The following NUMB variants were observed in gnomAD, a reference collection of about 807,000 sequenced individuals.
NUMB encodes the protein NUMB endocytic adaptor protein, also known as protein numb homolog.
In NUMB, 29 loss-of-function variants were observed where a neutral mutation model predicts 59.7. The ratio of observed to expected loss-of-function variants is 0.49; its 90% CI spans 0.36 to 0.66. The LOEUF (loss-of-function observed/expected upper bound fraction) is 0.66. Ranked by LOEUF, NUMB falls within the 30% of genes least tolerant of loss-of-function variation. NUMB has a pLI of 0.00. For synonymous variants in NUMB, 288 were observed against 288.2 expected (o/e 1.00, Z 0.01); for missense variants, 723 against 822.0 (o/e 0.88, Z 1.47).
At chr14:73,289,298 G>A (rs576305468) in intron 8 of NUMB, among the ~76,000 whole-genome samples, 5 of 152,296 alleles carry the variant, frequency 3.3e-5, no homozygotes, top group African/African-American at 4.8e-5. Context: ...AGTGGAGGAC[G>A]TATATAAACA....
intron 4 of NUMB, among the ~76,000 whole-genome samples, chr14:73,325,960 T>C (rs1891641430): frequency 6.6e-6 from 1 of 152,142 alleles, no homozygotes; most frequent in African/African-American, 2.4e-5. Flanking sequence ...GCTTTTTTCC[T>C]TTCTCTCTGA....
intron 9 of NUMB, chr14:73,286,190 A>AATTTT (rs1888981500): frequency 1.1e-4 from 8 of 72,130 alleles, no homozygotes; most frequent in Non-Finnish European, 2.5e-5. Flanking sequence ...AAATATGGCA[A>AATTTT]TTTTTTTTTT....
intron 3 of NUMB, among the ~76,000 whole-genome samples, chr14:73,357,862 A>T (rs1223422947): frequency 6.6e-6 from 1 of 150,488 alleles, no homozygotes. Context: ...TCAAGTTGGC[A>T]TGCTCCAAAT....
chr14:73,402,149 A>G (rs1425055206), intron 2 of NUMB, among the ~76,000 whole-genome samples: 1 of 152,196 alleles, frequency 6.6e-6, no homozygotes, highest in East Asian at 1.9e-4. Flanking sequence ...TACAGGAGTG[A>G]GCCACTGCAC....
chr14:73,402,788 G>A (rs934293602), intron 2 of NUMB, among the ~76,000 whole-genome samples: 15 of 152,138 alleles, frequency 9.9e-5, no homozygotes, highest in African/African-American at 3.6e-4. Flanking sequence ...TTCACTTTGC[G>A]TTATCAAAAG....
chr14:73,405,949 G>A lies in NUMB; in HGVS notation c.-101+3988C>T, dbSNP rs994134225. ...TGAGTAGACCTACACCCAGATCCCA[G>A]ACTGACCAATGGGTGGAACACTTGT... On this transcript the variant is annotated intron_variant, in intron 2 of 12. Coordinates refer to ENST00000555238, the MANE Select transcript of NUMB (RefSeq NM_001005743.2). Among the ~76,000 whole-genome samples, 36 of 152,094 alleles carry A rather than the reference G, an allele frequency of 2.4e-4. 1 individual carries two copies. Among genetic ancestry groups the A allele is most frequent in the African/African-American group, 8.5e-4 (35 of 41,410 alleles).
At chr14:73,287,343 A>C in intron 8 of NUMB, 29 bp from the exon 9 acceptor site, 1 of 1,531,954 alleles carries the variant, frequency 6.5e-7, no homozygotes, top group Middle Eastern at 1.7e-4. Context: ...AAAGCTTTTC[A>C]GAATTACACT....
chr14:73,368,152 A>G (rs1894466203), intron 2 of NUMB, among the ~76,000 whole-genome samples: 1 of 152,218 alleles, frequency 6.6e-6, no homozygotes, highest in African/African-American at 2.4e-5. Context: ...ACAGTTACAG[A>G]ACTGGGATTT....
chr14:73,444,986 T>C (rs1456518176), intron 1 of NUMB, among the ~76,000 whole-genome samples: 1 of 151,942 alleles, frequency 6.6e-6, no homozygotes, highest in Admixed American at 6.6e-5. Context: ...CTGATAAAGA[T>C]ACCCAATGCC....
At chr14:73,315,903 T>C (rs1209260934) in intron 6 of NUMB, among the ~76,000 whole-genome samples, 1 of 152,188 alleles carries the variant, frequency 6.6e-6, no homozygotes, top group African/African-American at 2.4e-5. Context: ...CTTTATTTTT[T>C]TGAGACAGAG....
intron 2 of NUMB, among the ~76,000 whole-genome samples, chr14:73,386,229 A>T (rs1895517481): frequency 6.6e-6 from 1 of 152,196 alleles, no homozygotes; most frequent in African/African-American, 2.4e-5. Flanking sequence ...AGCCTGGGCA[A>T]CATAGTGAGA....
intron 1 of NUMB, among the ~76,000 whole-genome samples, chr14:73,443,964 G>A (rs1883276949): frequency 6.6e-6 from 1 of 151,996 alleles, no homozygotes; most frequent in African/African-American, 2.4e-5. Context: ...CAGGAGTGCA[G>A]TGGCGCAATC....
intron 2 of NUMB, among the ~76,000 whole-genome samples, chr14:73,389,100 A>T (rs1895697486): frequency 8.6e-5 from 2 of 23,306 alleles, no homozygotes; most frequent in Admixed American, 7.5e-4. Context: ...CTCTGCCTTA[A>T]AAAAAAAAAA....
chr14:73,398,765 G>T (rs909352785), intron 2 of NUMB, among the ~76,000 whole-genome samples: 1 of 151,838 alleles, frequency 6.6e-6, no homozygotes. Flanking sequence ...TAAGGAAATG[G>T]GAATTCTAAT....
intron 1 of NUMB, among the ~76,000 whole-genome samples, chr14:73,414,488 G>T (rs898368604): frequency 6.6e-6 from 1 of 152,072 alleles, no homozygotes; most frequent in African/African-American, 2.4e-5. Flanking sequence ...CCGCTTCCTG[G>T]CTCAAGCAAT....
At chr14:73,318,645 A>C (rs938926784) in intron 5 of NUMB, among the ~76,000 whole-genome samples, 1 of 152,224 alleles carries the variant, frequency 6.6e-6, no homozygotes, top group African/African-American at 2.4e-5. Context: ...TATGCCATAA[A>C]GGCAGTAACA....
At chr14:73,429,264 C>T (rs932888795) in intron 1 of NUMB, among the ~76,000 whole-genome samples, 2 of 152,040 alleles carry the variant, frequency 1.3e-5, no homozygotes, top group African/African-American at 4.8e-5. Flanking sequence ...CCCAGCTACT[C>T]GGGAGGCTGA....
chr14:73,276,943 G>C lies in NUMB; in HGVS notation c.1591C>G (p.Pro531Ala). 6.2e-7 allele frequency: 1 copy of C among 1,614,166 alleles called. No homozygotes were observed. The highest frequency in any genetic ancestry group is 1.3e-5 in the African/African-American group (1 of 75,050). The change falls in exon 13 of 13, where the codon CCC (proline) becomes GCC (alanine). Residue 531 changes from proline (P) to alanine (A), a missense_variant. Physicochemically the swap from Pro to Ala is conservative, Grantham distance 27. Transcript: ENST00000555238. Reference sequence around the variant, plus strand: ...AATACGTTGGCCACCATCTGGGAGGGAGTGATGCCCACCACAGGCACATTA... The same window carrying C: ...AATACGTTGGCCACCATCTGGGAGGCAGTGATGCCCACCACAGGCACATTA... ...APNVPVVGIT[P>A]SQMVANVFGT...
intron 2 of NUMB, among the ~76,000 whole-genome samples, chr14:73,394,080 C>T (rs1015498574): frequency 3.9e-5 from 6 of 152,004 alleles, no homozygotes; most frequent in Non-Finnish European, 7.4e-5. Context: ...ATTCTCCTGC[C>T]TTAGCCTCCC....
Sources: gnomAD v4.1 joint callset for allele counts (sites outside exome capture counted in the v4.1 genomes callset) on GRCh38, gnomAD v4.1.1 for gene constraint, MANE v1.5 for transcripts, NCBI Gene and HGNC (gene_info 2026-07-23, HGNC 2026-07-21) for gene names.